The following DCTN2 variants were observed in gnomAD, a reference collection of about 807,000 sequenced individuals.
The protein encoded by DCTN2 is dynactin subunit 2.
Under a neutral mutation model 55.4 loss-of-function variants are expected in DCTN2, and 18 were observed. The ratio of observed to expected loss-of-function variants is 0.32; its 90% CI spans 0.22 to 0.48. The LOEUF (loss-of-function observed/expected upper bound fraction) is 0.48, where lower values mean the gene tolerates loss of function less well. Ranked by LOEUF, DCTN2 falls within the 20% of genes least tolerant of loss-of-function variation. The pLI, the probability that DCTN2 is intolerant of heterozygous loss-of-function variation, is 0.99. For synonymous variants in DCTN2, 168 were observed against 185.2 expected, an observed-to-expected ratio of 0.91 and a Z score of 0.76; for missense variants, 390 against 491.0, an observed-to-expected ratio of 0.79 and a Z score of 1.94.
At chr12:57,538,598 G>A (rs1231015825) in intron 2 of DCTN2, 3 of 711,198 alleles carry the variant, frequency 4.2e-6, no homozygotes, top group Admixed American at 4.0e-5. Flanking sequence ...GGATGAGGGA[G>A]GGAAAAAAAA....
chr12:57,535,645 G>T, intron 3 of DCTN2, 100 bp from the exon 4 acceptor site: 1 of 1,519,600 alleles, frequency 6.6e-7, no homozygotes, highest in East Asian at 2.3e-5. Flanking sequence ...CTCCATGAGG[G>T]ACCCCTTCCC....
chr12:57,541,490 A>C, intron 2 of DCTN2: 1 of 1,059,776 alleles, frequency 9.4e-7, no homozygotes, highest in Non-Finnish European at 1.4e-6. Context: ...AGGATCTTCT[A>C]AACTGTAAGG....
chr12:57,531,748 C>T (rs1879734155), intron 13 of DCTN2, among the ~76,000 whole-genome samples: 1 of 151,646 alleles, frequency 6.6e-6, no homozygotes, highest in African/African-American at 2.4e-5. Flanking sequence ...AAAACATGTT[C>T]ACTAGCCCCT....
chr12:57,532,870 C>T, intron 9 of DCTN2, 60 bp from the exon 10 acceptor site: 1 of 1,603,436 alleles, frequency 6.2e-7, no homozygotes, highest in Non-Finnish European at 8.5e-7. Context: ...CAAGAGGCCT[C>T]CCATATTCCA....
chr12:57,535,337 G>T, intron 4 of DCTN2, 147 bp downstream of exon 4: 1 of 1,141,546 alleles, frequency 8.8e-7, no homozygotes, highest in Non-Finnish European at 1.3e-6. Context: ...CAGCAGTAGG[G>T]CAGAGTTTCC....
rs549340175 is a variant in DCTN2 at position 57,534,038 on chromosome 12, G to T, written c.584C>A (p.Thr195Asn). The T allele has an allele frequency of 6.2e-7, 1 of 1,613,512 alleles. No homozygotes were observed. Among genetic ancestry groups the T allele is most frequent in the Non-Finnish European group, 8.5e-7 (1 of 1,179,676 alleles). Residue 195 changes from threonine (T) to asparagine (N), a missense_variant, in exon 7 of 14, where the codon ACC becomes AAC. Around this residue, in one of 2 missense-constraint regions of DCTN2, gnomAD observed 273 missense variants for 303.2 expected, o/e 0.90. Coordinates refer to ENST00000548249, the MANE Select transcript of DCTN2 (RefSeq NM_001261413.2). The part of the protein sequence containing the change: ...KNSKGGSGGK[T>N]TGTPPDSSLV... ...GCTGCTATCTGGGGGGGTCCCAGTG[G>T]TTTTTCCCCCTGATCCCCCTTTGCT...
Position 57,546,807 on chromosome 12 carries a change from C to T in DCTN2, c.36+221G>A, listed in dbSNP as rs569724561. 5.9e-5 allele frequency among the ~76,000 whole-genome samples: 9 copies of T among 152,320 alleles called. No homozygotes were observed. The East Asian group carries it at 1.7e-3, about 29-fold the overall frequency. On this transcript the variant is annotated intron_variant, in intron 1 of 13. Transcript: ENST00000548249. ...GGAGTCGATTTCTGGGCCGAGCTAC[C>T]GGCGACTGCCGGAAAGGGGGCCTGG...
At chr12:57,542,217 A>G (rs1392897164) in intron 2 of DCTN2, among the ~76,000 whole-genome samples, 5 of 152,004 alleles carry the variant, frequency 3.3e-5, no homozygotes, top group Non-Finnish European at 7.4e-5. Flanking sequence ...TGGAGGTTAC[A>G]GTGAGCTGAG....
intron 13 of DCTN2, among the ~76,000 whole-genome samples, chr12:57,531,162 G>A (rs1879663193): frequency 6.6e-6 from 1 of 152,164 alleles, no homozygotes; most frequent in African/African-American, 2.4e-5. Context: ...CAGTGATCCT[G>A]TGATTGATGC....
In DCTN2 at chr12:57,537,245, G is replaced by C. The variant is rs576038944; in HGVS notation, c.106-1400C>G. Reference sequence around the variant, plus strand: ...GCTACTCAGGAGGCTGAGGTGGAAGGGTCACTTGAGCCTGGCAGGTGGAGG... The same window carrying C: ...GCTACTCAGGAGGCTGAGGTGGAAGCGTCACTTGAGCCTGGCAGGTGGAGG... On this transcript the variant is annotated intron_variant, in intron 2 of 13. Transcript: ENST00000548249. Among the ~76,000 whole-genome samples, 5 of 151,402 alleles carry C rather than the reference G, an allele frequency of 3.3e-5. No individual in the cohort carries two copies. In the South Asian group the frequency reaches 8.4e-4, roughly 25 times the overall value.
At chr12:57,545,367 A>G (rs1881062141) in intron 2 of DCTN2, among the ~76,000 whole-genome samples, 1 of 152,140 alleles carries the variant, frequency 6.6e-6, no homozygotes, top group Non-Finnish European at 1.5e-5. Flanking sequence ...TTGGGGGCAG[A>G]GACATTTCTT....
chr12:57,532,948 C>CT (rs1565676915), intron 9 of DCTN2, 36 bp downstream of exon 9: 2 of 1,598,914 alleles, frequency 1.3e-6, no homozygotes, highest in Non-Finnish European at 1.7e-6. Flanking sequence ...ACTATCCCCT[C>CT]TGTGATCCAA....
At chr12:57,544,072 C>T (rs1431804076) in intron 2 of DCTN2, 2 of 434,196 alleles carry the variant, frequency 4.6e-6, no homozygotes, top group East Asian at 7.0e-5. Context: ...GTTTGTATCA[C>T]AGCGACAAAA....
At position 57,545,970 on chromosome 12, in the gene DCTN2, C is replaced by A. The variant is rs771280504; in HGVS notation, c.105+58G>T. ...GTAGCTCCCCCGAGAAAGGGAAGGACCTGTCTAGGGGAGAAAGGTCAGAGT... is the reference window on the plus strand; with the variant it reads ...GTAGCTCCCCCGAGAAAGGGAAGGAACTGTCTAGGGGAGAAAGGTCAGAGT... On this transcript the variant is annotated intron_variant, in intron 2 of 13. Coordinates refer to ENST00000548249, the MANE Select transcript of DCTN2 (RefSeq NM_001261413.2). 18 of 1,570,122 alleles carry A rather than the reference C, an allele frequency of 1.1e-5. No homozygotes were observed. In the South Asian group the frequency reaches 2.0e-4, roughly 17 times the overall value.
intron 7 of DCTN2, 122 bp downstream of exon 7, chr12:57,533,827 GAATC>G (rs1008921097): frequency 1.0e-6 from 1 of 994,388 alleles, no homozygotes; most frequent in Non-Finnish European, 1.4e-6. Flanking sequence ...ATCAAAAGAG[GAATC>G]AATCAAGAGG....
intron 1 of DCTN2, 94 bp from the exon 2 acceptor site, chr12:57,546,190 G>A: frequency 8.3e-7 from 1 of 1,200,146 alleles, no homozygotes; most frequent in Non-Finnish European, 1.2e-6. Flanking sequence ...CAGAGAAGGC[G>A]GGGTGTGATG....
chr12:57,538,347 T>C (rs979691518), intron 2 of DCTN2: 7 of 658,980 alleles, frequency 1.1e-5, no homozygotes, highest in South Asian at 3.0e-5. Context: ...GTCTTGAAGA[T>C]CTGGGGCATG....
intron 2 of DCTN2, among the ~76,000 whole-genome samples, chr12:57,545,011 G>A (rs1457787368): frequency 6.6e-6 from 1 of 152,190 alleles, no homozygotes; most frequent in African/African-American, 2.4e-5. Flanking sequence ...ACATGGGGGA[G>A]TCAAATAAGA....
intron 2 of DCTN2, chr12:57,543,706 A>G: frequency 1.0e-6 from 1 of 972,908 alleles, no homozygotes; most frequent in Non-Finnish European, 1.2e-6. Flanking sequence ...TGCCCACCCC[A>G]TTCCTCCCTA....
Sources: gnomAD v4.1 joint callset for allele counts (sites outside exome capture counted in the v4.1 genomes callset) on GRCh38, gnomAD v4.1.1 for gene constraint, gnomAD v4.1.1 regional missense constraint, MANE v1.5 for transcripts, NCBI Gene and HGNC (gene_info 2026-07-23, HGNC 2026-07-21) for gene names.